The following GRM7 variants were observed in gnomAD, a reference collection of about 807,000 sequenced individuals.
GRM7 encodes the protein glutamate metabotropic receptor 7.
Under a neutral mutation model 84.5 loss-of-function variants are expected in GRM7, and 35 were observed. The observed-to-expected ratio is 0.41, with a 90% CI of 0.32 to 0.55. The LOEUF is 0.55. Among genes scored for constraint, GRM7 ranks in the 20% least tolerant of loss-of-function variants. The probability of loss-of-function intolerance (pLI) is 0.19; values close to 1 mark genes in which losing one functional copy is unlikely to be tolerated. For missense variants in GRM7, 1,003 were observed against 1,194.6 expected (o/e 0.84, Z 2.36); for synonymous variants, 487 against 455.1 (o/e 1.07, Z -0.89).
chr3:7,217,537 G>C (rs1399519369), intron 2 of GRM7, among the ~76,000 whole-genome samples: 4 of 151,936 alleles, frequency 2.6e-5, no homozygotes, highest in African/African-American at 9.7e-5. Context: ...TTTTAAAATA[G>C]TGAAAATAAT....
intron 2 of GRM7, among the ~76,000 whole-genome samples, chr3:7,173,468 T>C (rs527443241): frequency 1.3e-5 from 2 of 152,308 alleles, no homozygotes; most frequent in South Asian, 4.1e-4. Flanking sequence ...TCTAAAGTTG[T>C]CCAGTGGTTT....
chr3:7,159,515 A>G (rs2125077271), intron 2 of GRM7, among the ~76,000 whole-genome samples: 1 of 152,290 alleles, frequency 6.6e-6, no homozygotes, highest in Middle Eastern at 3.4e-3. Context: ...GGAGGTGGAT[A>G]GATGTTCAAT....
intron 7 of GRM7, among the ~76,000 whole-genome samples, chr3:7,464,891 G>A (rs1698399793): frequency 6.6e-6 from 1 of 151,994 alleles, no homozygotes; most frequent in Non-Finnish European, 1.5e-5. Flanking sequence ...AACTACTTGG[G>A]AGGCTGAGGC....
chr3:7,563,851 A>C (rs563885600), intron 7 of GRM7, among the ~76,000 whole-genome samples: 2 of 152,178 alleles, frequency 1.3e-5, no homozygotes, highest in African/African-American at 4.8e-5. Flanking sequence ...TCAGACAAAC[A>C]GTCATTGTGA....
intron 1 of GRM7, among the ~76,000 whole-genome samples, chr3:7,038,536 A>G (rs1484140505): frequency 6.6e-6 from 1 of 152,180 alleles, no homozygotes; most frequent in Non-Finnish European, 1.5e-5. Flanking sequence ...ATAAGGAAGA[A>G]AGAGCTAGGA....
intron 7 of GRM7, among the ~76,000 whole-genome samples, chr3:7,507,588 A>G (rs1700076522): frequency 6.6e-6 from 1 of 152,228 alleles, no homozygotes; most frequent in African/African-American, 2.4e-5. Flanking sequence ...GTCCTCTCTT[A>G]ATGCATAGTC....
At chr3:7,415,752 A>C (rs1200451239) in intron 5 of GRM7, among the ~76,000 whole-genome samples, 1 of 152,172 alleles carries the variant, frequency 6.6e-6, no homozygotes, top group African/African-American at 2.4e-5. Flanking sequence ...CCTTTCTGCT[A>C]TGCACTGTGC....
Position 7,653,179 on chromosome 3 carries a change from C to CTT in GRM7, c.2452-26870_2452-26869insTT, listed in dbSNP as rs1559466264. On this transcript the variant is annotated intron_variant, in intron 8 of 9. Transcript: ENST00000357716. ...CACTTTCCATTGTAACATACTATAT[C>CTT]CTTTTTTTTTTTTTTTTTTTTTTTT... Among the ~76,000 whole-genome samples, 143 of 102,942 alleles carry CTT rather than the reference C, an allele frequency of 1.4e-3. 1 individual carries two copies. Among genetic ancestry groups the CTT allele is most frequent in the African/African-American group, 6.8e-3 (122 of 18,020 alleles). 67.5% of individuals were successfully genotyped at this position (102,942 alleles called of 152,430 possible).
chr3:7,156,295 C>CT (rs1343181013), intron 2 of GRM7, among the ~76,000 whole-genome samples: 10 of 152,152 alleles, frequency 6.6e-5, no homozygotes, highest in Non-Finnish European at 1.3e-4. Flanking sequence ...TATGTGTTTT[C>CT]TTTATATTGC....
intron 1 of GRM7, among the ~76,000 whole-genome samples, chr3:7,040,378 C>T (rs1471834608): frequency 6.6e-6 from 1 of 152,076 alleles, no homozygotes; most frequent in Non-Finnish European, 1.5e-5. Context: ...TCTCCACTCA[C>T]TGTAACCCCT....
chr3:7,514,586 A>G (rs1266263997), intron 7 of GRM7, among the ~76,000 whole-genome samples: 2 of 152,210 alleles, frequency 1.3e-5, no homozygotes, highest in African/African-American at 2.4e-5. Flanking sequence ...GGTGGCTGCA[A>G]TCCCACTCCT....
chr3:7,330,015 C>G (rs952449493), intron 4 of GRM7, among the ~76,000 whole-genome samples: 1 of 151,886 alleles, frequency 6.6e-6, no homozygotes, highest in Non-Finnish European at 1.5e-5. Flanking sequence ...CTTAAGAATG[C>G]CAGTGAGAAG....
At chr3:7,728,303 A>C (rs949222633) in intron 9 of GRM7, among the ~76,000 whole-genome samples, 1 of 152,218 alleles carries the variant, frequency 6.6e-6, no homozygotes, top group African/African-American at 2.4e-5. Flanking sequence ...TAAAGGGAGA[A>C]GGTCAGAGAT....
intron 4 of GRM7, among the ~76,000 whole-genome samples, chr3:7,316,323 T>A (rs1700581605): frequency 6.6e-6 from 1 of 152,110 alleles, no homozygotes; most frequent in South Asian, 2.1e-4. Context: ...TGATCTGTCT[T>A]ATGTACTTAA....
At chr3:7,142,708 C>T (rs925973279) in intron 1 of GRM7, among the ~76,000 whole-genome samples, 2 of 152,130 alleles carry the variant, frequency 1.3e-5, no homozygotes, top group Non-Finnish European at 2.9e-5. Flanking sequence ...TAAGAAGGTA[C>T]AACAAAATGT....
At chr3:7,658,774 T>C (rs1471824154) in intron 8 of GRM7, among the ~76,000 whole-genome samples, 1 of 152,218 alleles carries the variant, frequency 6.6e-6, no homozygotes, top group Non-Finnish European at 1.5e-5. Context: ...TGACTATAAA[T>C]GCATGATCTA....
chr3:7,646,991 GC>G (rs1698677614), intron 8 of GRM7, among the ~76,000 whole-genome samples: 1 of 152,108 alleles, frequency 6.6e-6, no homozygotes, highest in African/African-American at 2.4e-5. Context: ...TGGGTCAAGG[GC>G]CAAAGTTCAA....
At chr3:7,122,195 T>C (rs1693250468) in intron 1 of GRM7, among the ~76,000 whole-genome samples, 1 of 152,184 alleles carries the variant, frequency 6.6e-6, no homozygotes, top group Non-Finnish European at 1.5e-5. Flanking sequence ...TCACCTGTAG[T>C]TGTGGCTGTG....
chr3:7,574,608 G>A (rs554729879), intron 7 of GRM7, among the ~76,000 whole-genome samples: 25 of 152,192 alleles, frequency 1.6e-4, no homozygotes, highest in Non-Finnish European at 3.1e-4. Flanking sequence ...AGTTAGTGAG[G>A]GCCAGAACAA....
Sources: allele counts gnomAD v4.1 joint callset (sites outside exome capture counted in the v4.1 genomes callset), GRCh38; gene constraint gnomAD v4.1.1; transcripts MANE v1.5; gene names NCBI Gene and HGNC (gene_info 2026-07-23, HGNC 2026-07-21).